The following XYLT1 variants were observed in gnomAD, a reference collection of about 807,000 sequenced individuals.
XYLT1 encodes the protein beta-D-xylosyltransferase 1.
In XYLT1, 36 loss-of-function variants were observed where a neutral mutation model predicts 91.3. The observed-to-expected ratio is 0.39, with a 90% CI of 0.30 to 0.52. The LOEUF (loss-of-function observed/expected upper bound fraction) is 0.52. Among genes scored for constraint, XYLT1 ranks in the 20% least tolerant of loss-of-function variants. XYLT1 has a pLI of 0.68. For synonymous variants in XYLT1, 588 were observed against 532.0 expected (o/e 1.11, Z -1.45); for missense variants, 1,242 against 1,284.5 (o/e 0.97, Z 0.51).
At chr16:17,334,003 G>A (rs374261722) in intron 2 of XYLT1, among the ~76,000 whole-genome samples, 258 of 152,278 alleles carry the variant, frequency 1.7e-3, no homozygotes, top group African/African-American at 5.9e-3. Context: ...AAAAGGTATG[G>A]AGAGAACTAA....
At chr16:17,284,641 G>A (rs1366839399) in intron 2 of XYLT1, among the ~76,000 whole-genome samples, 1 of 152,206 alleles carries the variant, frequency 6.6e-6, no homozygotes, top group Non-Finnish European at 1.5e-5. Flanking sequence ...TCACAGCTGG[G>A]GATGGTGCTG....
At chr16:17,465,142 T>TAAA (rs2036874926) in intron 1 of XYLT1, among the ~76,000 whole-genome samples, 1 of 7,600 alleles carries the variant, frequency 1.3e-4, no homozygotes, top group Non-Finnish European at 2.2e-4. Flanking sequence ...AGATGCTGTC[T>TAAA]CAAAAAAAAA....
chr16:17,329,017 G>A (rs1396805986), intron 2 of XYLT1, among the ~76,000 whole-genome samples: 1 of 152,172 alleles, frequency 6.6e-6, no homozygotes, highest in African/African-American at 2.4e-5. Flanking sequence ...GGCCTTCTTA[G>A]AACAGTGGTT....
intron 3 of XYLT1, among the ~76,000 whole-genome samples, chr16:17,247,991 T>TCCCAGCCTGCCAGA (rs958966316): frequency 2.6e-5 from 4 of 152,136 alleles, no homozygotes; most frequent in African/African-American, 9.7e-5. Flanking sequence ...TGCCCCCCAG[T>TCCCAGCCTGCCAGA]CCCAGCCTGC....
At chr16:17,290,130 T>G (rs1361604633) in intron 2 of XYLT1, among the ~76,000 whole-genome samples, 2 of 152,166 alleles carry the variant, frequency 1.3e-5, no homozygotes, top group African/African-American at 2.4e-5. Flanking sequence ...TCTCCTCAGT[T>G]AAAAGAAAAA....
At chr16:17,287,334 C>G (rs967060715) in intron 2 of XYLT1, among the ~76,000 whole-genome samples, 3 of 152,116 alleles carry the variant, frequency 2.0e-5, no homozygotes, top group African/African-American at 7.2e-5. Context: ...AGCAGGCAAA[C>G]GCTCAGAACG....
intron 3 of XYLT1, among the ~76,000 whole-genome samples, chr16:17,247,855 G>C (rs1291040270): frequency 6.6e-6 from 1 of 152,124 alleles, no homozygotes; most frequent in African/African-American, 2.4e-5. Context: ...ACCTCCCAAA[G>C]ATGTGTACCC....
chr16:17,375,463 G>T (rs576646317), intron 1 of XYLT1, among the ~76,000 whole-genome samples: 1 of 88,226 alleles, frequency 1.1e-5, no homozygotes, highest in South Asian at 3.2e-4. Flanking sequence ...GCTGTTTCTT[G>T]TTCAAGATAA....
At chr16:17,280,989 G>A (rs983266067) in intron 2 of XYLT1, among the ~76,000 whole-genome samples, 3 of 152,204 alleles carry the variant, frequency 2.0e-5, no homozygotes, top group African/African-American at 7.2e-5. Flanking sequence ...GCCCACACGG[G>A]AGATACTGGT....
chr16:17,335,908 CAGAG>C (rs904430941), intron 2 of XYLT1, among the ~76,000 whole-genome samples: 2 of 152,126 alleles, frequency 1.3e-5, no homozygotes, highest in African/African-American at 4.8e-5. Flanking sequence ...GAAAAATAAA[CAGAG>C]AGCTATTAAT....
intron 3 of XYLT1, among the ~76,000 whole-genome samples, chr16:17,240,231 T>C (rs2033325016): frequency 6.6e-6 from 1 of 152,164 alleles, no homozygotes; most frequent in Admixed American, 6.5e-5. Context: ...TCAGCTACAG[T>C]CTGCTTTCTC....
chr16:17,443,620 G>C (rs1385411923), intron 1 of XYLT1, among the ~76,000 whole-genome samples: 1 of 152,152 alleles, frequency 6.6e-6, no homozygotes, highest in Non-Finnish European at 1.5e-5. Flanking sequence ...GCCTCAGGTG[G>C]TACCTTTATA....
intron 2 of XYLT1, among the ~76,000 whole-genome samples, chr16:17,349,527 T>C (rs56345013): frequency 0.066 from 10,086 of 151,880 alleles, 1,173 homozygotes; most frequent in African/African-American, 0.23. Context: ...CTCTGTAAAA[T>C]GGGGTTAAGG....
intron 5 of XYLT1, among the ~76,000 whole-genome samples, chr16:17,162,059 G>A (rs1430877949): frequency 2.6e-5 from 4 of 152,150 alleles, no homozygotes; most frequent in Non-Finnish European, 4.4e-5. Context: ...CCTAGGCCAT[G>A]GGGAAAGACT....
At chr16:17,174,669 G>A (rs957504498) in intron 5 of XYLT1, among the ~76,000 whole-genome samples, 1 of 152,052 alleles carries the variant, frequency 6.6e-6, no homozygotes, top group Admixed American at 6.6e-5. Context: ...TTTCCTTCTG[G>A]GGTAACTAAA....
chr16:17,108,668 G>C lies in XYLT1; in HGVS notation c.*27C>G, dbSNP rs550970883. 3 of 1,533,668 alleles carry C rather than the reference G, an allele frequency of 2.0e-6. No individual in the cohort carries two copies. The highest frequency in any genetic ancestry group is 1.3e-5 in the South Asian group (1 of 79,734). Reference sequence around the variant, plus strand: ...CTGGCTGCTTTCCCGTTGAGATCCTGCTGTGGCCCACTCCTCGTGCCCAGT... The same window carrying C: ...CTGGCTGCTTTCCCGTTGAGATCCTCCTGTGGCCCACTCCTCGTGCCCAGT... On this transcript the variant is annotated 3_prime_UTR_variant, in exon 12 of 12. Coordinates refer to ENST00000261381, the MANE Select transcript of XYLT1 (RefSeq NM_022166.4).
At chr16:17,291,573 G>A (rs2034227530) in intron 2 of XYLT1, among the ~76,000 whole-genome samples, 1 of 152,128 alleles carries the variant, frequency 6.6e-6, no homozygotes, top group African/African-American at 2.4e-5. Flanking sequence ...CTGTTCTAAG[G>A]CCAGAAATCC....
chr16:17,120,871 C>A (rs2030027884), intron 10 of XYLT1, among the ~76,000 whole-genome samples: 1 of 152,164 alleles, frequency 6.6e-6, no homozygotes. Context: ...GATCAATGAT[C>A]TATACAGATT....
At chr16:17,163,169 A>G (rs969922703) in intron 5 of XYLT1, among the ~76,000 whole-genome samples, 2 of 152,242 alleles carry the variant, frequency 1.3e-5, no homozygotes, top group Non-Finnish European at 2.9e-5. Flanking sequence ...TCTGCAGAGC[A>G]TAGTTTAAGA....
Sources: gnomAD v4.1 joint callset for allele counts (sites outside exome capture counted in the v4.1 genomes callset) on GRCh38, gnomAD v4.1.1 for gene constraint, MANE v1.5 for transcripts, NCBI Gene and HGNC (gene_info 2026-07-23, HGNC 2026-07-21) for gene names.